Variants in AQP9 observed in about 807,000 individuals in gnomAD.
The protein encoded by AQP9 is aquaporin-9.
In AQP9, 19 loss-of-function variants were observed where a neutral mutation model predicts 23.8. That is an observed-to-expected ratio of 0.80 (90% CI 0.56 to 1.17). The LOEUF (loss-of-function observed/expected upper bound fraction) is 1.17. AQP9 is among the 50% of genes most tolerant of loss of function. The pLI is 0.00. For synonymous variants in AQP9, 153 were observed against 131.5 expected, an observed-to-expected ratio of 1.16 and a Z score of -1.12; for missense variants, 413 against 362.0, an observed-to-expected ratio of 1.14 and a Z score of -1.14.
At chr15:58,166,497 C>A (rs1215227224) in intron 1 of AQP9, among the ~76,000 whole-genome samples, 176 bp from the exon 2 acceptor site, 3 of 152,224 alleles carry the variant, frequency 2.0e-5, no homozygotes, top group Non-Finnish European at 4.4e-5. Flanking sequence ...CCAAATGCAG[C>A]CTTGGGTCCA....
intron 1 of AQP9, among the ~76,000 whole-genome samples, chr15:58,142,850 G>A (rs1350726471): frequency 6.6e-6 from 1 of 152,152 alleles, no homozygotes; most frequent in Non-Finnish European, 1.5e-5. Flanking sequence ...AGGACTGAGG[G>A]TCACATGGAG....
chr15:58,157,394 G>T lies in AQP9; in HGVS notation c.112-9279G>T, dbSNP rs138420953. On this transcript the variant is annotated intron_variant, in intron 1 of 5. Transcript: ENST00000219919. ...CTGGGTGAGACTTGGAGGTATTGGG[G>T]CATTTTAGAATGTCCACCTGGCTTA... Among the ~76,000 whole-genome samples the T allele has an allele frequency of 5.3e-5, 8 of 152,226 alleles. No individual in the cohort carries two copies. In the East Asian group the frequency reaches 1.2e-3, roughly 22 times the overall value.
At chr15:58,161,275 C>T (rs370093002) in intron 1 of AQP9, among the ~76,000 whole-genome samples, 14 of 152,112 alleles carry the variant, frequency 9.2e-5, no homozygotes, top group Non-Finnish European at 2.1e-4. Context: ...TCTGGGTAAT[C>T]GGGAATGACT....
At chr15:58,161,491 C>T (rs531828850) in intron 1 of AQP9, among the ~76,000 whole-genome samples, 2 of 152,244 alleles carry the variant, frequency 1.3e-5, no homozygotes, top group Non-Finnish European at 2.9e-5. Context: ...AGAGAGTAAT[C>T]ATAAATAGTC....
intron 1 of AQP9, among the ~76,000 whole-genome samples, chr15:58,148,244 A>G (rs193133274): frequency 2.0e-5 from 3 of 152,312 alleles, no homozygotes; most frequent in Non-Finnish European, 4.4e-5. Context: ...GTCCTTCCCA[A>G]ATATGTTTGG....
intron 1 of AQP9, among the ~76,000 whole-genome samples, chr15:58,157,940 A>T (rs1176603453): frequency 6.6e-6 from 1 of 152,170 alleles, no homozygotes; most frequent in Non-Finnish European, 1.5e-5. Context: ...ACAAGGCACA[A>T]GTGTTGTATA....
intron 1 of AQP9, among the ~76,000 whole-genome samples, chr15:58,147,383 CA>C: frequency 6.6e-6 from 1 of 152,136 alleles, no homozygotes; most frequent in South Asian, 2.1e-4. Flanking sequence ...ACAGATGGTT[CA>C]AATGGCTGAA....
At chr15:58,160,019 T>G (rs1465248360) in intron 1 of AQP9, among the ~76,000 whole-genome samples, 4 of 152,218 alleles carry the variant, frequency 2.6e-5, no homozygotes, top group African/African-American at 9.6e-5. Context: ...TTTGGATACA[T>G]GCCCAGTATT....
At position 58,182,465 on chromosome 15, in the gene AQP9, G is replaced by A. The variant is rs534632127; in HGVS notation, c.714-1496G>A. ...TAAAAAGCATCCAGCCAGTGAAGAG[G>A]ACGTGTACCCTGGCTGATATCTTGG... On this transcript the variant is annotated intron_variant, in intron 5 of 5. Transcript: ENST00000219919. Among the ~76,000 whole-genome samples, 4 of 152,256 alleles carry A rather than the reference G, an allele frequency of 2.6e-5. No individual in the cohort carries two copies. The South Asian group carries it at 6.2e-4, about 24-fold the overall frequency.
intron 1 of AQP9, among the ~76,000 whole-genome samples, chr15:58,166,214 T>C (rs1898499729): frequency 6.6e-6 from 1 of 152,154 alleles, no homozygotes; most frequent in Non-Finnish European, 1.5e-5. Context: ...ATAAGCTCTG[T>C]TTAAAGGGAT....
chr15:58,141,486 C>G (rs1188627941), intron 1 of AQP9, among the ~76,000 whole-genome samples: 1 of 152,196 alleles, frequency 6.6e-6, no homozygotes, highest in Non-Finnish European at 1.5e-5. Flanking sequence ...AATGCAAGTA[C>G]TTCTGCTAAA....
chr15:58,172,023 A>C (rs777785721), intron 2 of AQP9, among the ~76,000 whole-genome samples: 13 of 152,220 alleles, frequency 8.5e-5, no homozygotes, highest in Non-Finnish European at 1.3e-4. Flanking sequence ...ATGCTCAGAC[A>C]ATTTTTTTAA....
intron 1 of AQP9, chr15:58,153,116 C>T (rs1359139509): frequency 1.3e-5 from 2 of 152,166 alleles, no homozygotes; most frequent in East Asian, 1.9e-4. Context: ...CCAAATGGTC[C>T]TGTATAAACG....
intron 1 of AQP9, among the ~76,000 whole-genome samples, chr15:58,160,676 G>T (rs1285909314): frequency 6.6e-6 from 1 of 151,624 alleles, no homozygotes. Context: ...TATAGTTTTT[G>T]GGGGTGGGGG....
chr15:58,175,377 A>G (rs188205994), intron 4 of AQP9, among the ~76,000 whole-genome samples: 41 of 152,380 alleles, frequency 2.7e-4, no homozygotes, highest in African/African-American at 9.6e-4. Context: ...TGGAGGCCAC[A>G]AGAGAAGATA....
In AQP9 at chr15:58,185,489, T is replaced by A. The variant is rs1249038215; in HGVS notation, c.*1354T>A. 3 of 152,608 alleles carry A rather than the reference T, an allele frequency of 2.0e-5. No homozygotes were observed. Among genetic ancestry groups the A allele is most frequent in the African/African-American group, 7.2e-5 (3 of 41,454 alleles). The allele number at this position is 152,608 out of a possible 1,614,324, so 9.5% of individuals were successfully genotyped here. A position where few individuals can be genotyped will look rare whatever the true frequency, so the allele number is the denominator to read the frequency against. On this transcript the variant is annotated 3_prime_UTR_variant, in exon 6 of 6. Coordinates refer to ENST00000219919, the MANE Select transcript of AQP9 (RefSeq NM_020980.5). ...GTAGCAATTTAATCATAACTTTCAT[T>A]TGCTGAAAAACATTATGAGAAGGCC...
At chr15:58,159,535 T>G (rs976147345) in intron 1 of AQP9, among the ~76,000 whole-genome samples, 4 of 152,214 alleles carry the variant, frequency 2.6e-5, no homozygotes, top group African/African-American at 9.6e-5. Flanking sequence ...TATTTTCTTC[T>G]GGTGACTTTG....
At chr15:58,144,730 G>A (rs8037406) in intron 1 of AQP9, among the ~76,000 whole-genome samples, 5,792 of 152,080 alleles carry the variant, frequency 0.038, 336 homozygotes, top group African/African-American at 0.13. Context: ...AAAGTTACAG[G>A]TCTGGCCAGG....
chr15:58,168,136 C>G (rs745309389), intron 2 of AQP9, among the ~76,000 whole-genome samples: 6 of 151,992 alleles, frequency 3.9e-5, no homozygotes, highest in Non-Finnish European at 7.4e-5. Flanking sequence ...ATTCTACCTT[C>G]TGCCACCTCA....
Sources: gnomAD v4.1 joint callset for allele counts (sites outside exome capture counted in the v4.1 genomes callset) on GRCh38, gnomAD v4.1.1 for gene constraint, MANE v1.5 for transcripts, NCBI Gene and HGNC (gene_info 2026-07-23, HGNC 2026-07-21) for gene names.